Variants in CUL2 observed in about 807,000 individuals in gnomAD.
CUL2 encodes the protein cullin-2.
CUL2 carries 22 observed loss-of-function variants against 110.2 expected under a neutral mutation model. The observed-to-expected ratio is 0.20, with a 90% CI of 0.14 to 0.28. The LOEUF (loss-of-function observed/expected upper bound fraction) is 0.28, where lower values mean the gene tolerates loss of function less well. CUL2 is among the 10% of genes least tolerant of loss of function. The probability of loss-of-function intolerance (pLI) is 1.00; values close to 1 mark genes in which losing one functional copy is unlikely to be tolerated. For synonymous variants in CUL2, 279 were observed against 293.2 expected, an observed-to-expected ratio of 0.95 and a Z score of 0.49; for missense variants, 631 against 905.5, an observed-to-expected ratio of 0.70 and a Z score of 3.89.
chr10:35,055,389 T>C (rs1815834126), intron 4 of CUL2, among the ~76,000 whole-genome samples: 1 of 152,106 alleles, frequency 6.6e-6, no homozygotes, highest in African/African-American at 2.4e-5. Flanking sequence ...ACAGACAAAT[T>C]AAAAACGAAG....
Position 35,031,745 on chromosome 10 carries a change from C to T in CUL2, c.1171-126G>A, listed in dbSNP as rs370484015. 466 of 948,984 alleles carry T rather than the reference C, an allele frequency of 4.9e-4. 2 individuals carry two copies. In the Middle Eastern group the frequency reaches 6.8e-3, roughly 14 times the overall value. 58.8% of individuals were successfully genotyped at this position (948,984 alleles called of 1,614,324 possible). On this transcript the variant is annotated intron_variant, in intron 12 of 20. Transcript: ENST00000374749. This position sits in a 1 kb window ranked among gnomAD's most constrained non-coding sequence, Gnocchi z 4.4. ...AATTTTTGCTGTTTTTTTTAGAGACCGGGTCTTGCTCTGTTGCCAGGCTGG... is the reference window on the plus strand; with the variant it reads ...AATTTTTGCTGTTTTTTTTAGAGACTGGGTCTTGCTCTGTTGCCAGGCTGG...
chr10:35,056,935 CCTTT>C (rs1417289577), intron 4 of CUL2, among the ~76,000 whole-genome samples: 2 of 152,206 alleles, frequency 1.3e-5, no homozygotes, highest in Non-Finnish European at 2.9e-5. Context: ...CTCACTACTT[CCTTT>C]GACTTCCAAT....
chr10:35,037,561 C>T (rs1166224264), intron 9 of CUL2, among the ~76,000 whole-genome samples: 1 of 152,072 alleles, frequency 6.6e-6, no homozygotes, highest in East Asian at 1.9e-4. Flanking sequence ...GTAAAAAACA[C>T]GGGGCCAAGG....
At chr10:35,070,067 C>T (rs535001347) in intron 2 of CUL2, among the ~76,000 whole-genome samples, 1 of 152,272 alleles carries the variant, frequency 6.6e-6, no homozygotes, top group East Asian at 1.9e-4. Flanking sequence ...AATTACTACC[C>T]GTATGACCCT....
At chr10:35,119,564 A>AT (rs2087651752) in intron 1 of CUL2, among the ~76,000 whole-genome samples, 1 of 8,136 alleles carries the variant, frequency 1.2e-4, no homozygotes, top group African/African-American at 1.7e-4. Context: ...AATTAATTTT[A>AT]TTTATTTATT....
chr10:35,090,857 G>A (rs948392432), upstream of CUL2, among the ~76,000 whole-genome samples: 1 of 152,224 alleles, frequency 6.6e-6, no homozygotes. Context: ...ACAGAAGTAT[G>A]TTTTCCTTGT....
chr10:35,067,139 CAAA>C (rs71523356), intron 2 of CUL2, among the ~76,000 whole-genome samples: 6 of 76,834 alleles, frequency 7.8e-5, no homozygotes, highest in Admixed American at 1.5e-4. Context: ...AACTCCATCT[CAAA>C]AAAAAAAAAA....
rs762500449 is a variant in CUL2, at chr10:35,011,943, C to A, written c.2011G>T (p.Ala671Ser). ...TPQEMEQTRS[A>S]VDEDRKMYLQ... The stretch of plus-strand genomic sequence containing the variant: ...TACATTTTCCGGTCCTCATCAACTG[C>A]ACTTCTAGTCTGCTCCATTTCCTGT... The change falls in exon 20 of 21, where the codon GCA (alanine) becomes TCA (serine). Residue 671 changes from alanine to serine, a missense_variant. Transcript: ENST00000374749. 4 of 1,605,022 alleles carry A rather than the reference C, an allele frequency of 2.5e-6. No individual in the cohort carries two copies. The highest frequency in any genetic ancestry group is 3.4e-6 in the Non-Finnish European group (4 of 1,174,514).
chr10:35,013,907 C>G (rs2084964867), intron 18 of CUL2, 107 bp from the exon 19 acceptor site: 1 of 708,166 alleles, frequency 1.4e-6, no homozygotes, highest in African/African-American at 1.8e-5. Flanking sequence ...AAAGCCTCCA[C>G]TCTCATAACT....
intron 1 of CUL2, 71 bp from the exon 2 acceptor site, chr10:35,071,410 G>A: frequency 7.1e-7 from 1 of 1,401,022 alleles, no homozygotes. Flanking sequence ...GTTGTTTTTT[G>A]TTTGTTTGCT....
rs1371890463 is a variant in CUL2 at position 35,033,087 on chromosome 10, TA to T, written c.1110+78del. 13 of 730,566 alleles carry T rather than the reference TA, an allele frequency of 1.8e-5. No individual in the cohort carries two copies. In the African/African-American group the frequency reaches 2.4e-4, roughly 13 times the overall value. 45.3% of individuals were successfully genotyped at this position (730,566 alleles called of 1,614,324 possible). ...CATGTCTACATCAGAAACCTCATAC[TA>T]GAATTCTGATCTTGAAACTGCCTAA... On this transcript the variant is annotated intron_variant, in intron 11 of 20. Transcript: ENST00000374749.
intron 4 of CUL2, among the ~76,000 whole-genome samples, chr10:35,059,766 A>G (rs1218129069): frequency 6.6e-6 from 1 of 152,204 alleles, no homozygotes; most frequent in East Asian, 1.9e-4. Flanking sequence ...CTTTGGATTC[A>G]GACTGATCTG....
chr10:35,054,746 T>TA (rs2086200830), intron 4 of CUL2, among the ~76,000 whole-genome samples: 1 of 152,186 alleles, frequency 6.6e-6, no homozygotes, highest in Non-Finnish European at 1.5e-5. Context: ...GCCCTTACAA[T>TA]ACCCTTCTAG....
intron 1 of CUL2, among the ~76,000 whole-genome samples, chr10:35,119,596 A>ATTTC (rs1166387364): frequency 6.7e-6 from 1 of 149,740 alleles, no homozygotes; most frequent in African/African-American, 2.5e-5. Flanking sequence ...TTATTTATTT[A>ATTTC]TTTATTTATT....
intron 9 of CUL2, among the ~76,000 whole-genome samples, chr10:35,035,807 A>G (rs1447935544): frequency 6.6e-6 from 1 of 152,240 alleles, no homozygotes; most frequent in African/African-American, 2.4e-5. Context: ...TTACTGTGTC[A>G]AAGTTTAATC....
chr10:35,078,295 ATTTTT>A (rs201741916), intron 1 of CUL2, among the ~76,000 whole-genome samples: 1 of 142,220 alleles, frequency 7.0e-6, no homozygotes, highest in Non-Finnish European at 1.6e-5. Flanking sequence ...GATCAGGTGA[ATTTTT>A]TTTTTTTTTT....
chr10:35,094,888 C>A (rs959065712), upstream of CUL2, among the ~76,000 whole-genome samples: 2 of 152,130 alleles, frequency 1.3e-5, no homozygotes, highest in African/African-American at 4.8e-5. Context: ...GTCCTTACTC[C>A]CCAAACAAAC....
At chr10:35,083,221 T>C (rs2086984238) in intron 1 of CUL2, among the ~76,000 whole-genome samples, 1 of 146,012 alleles carries the variant, frequency 6.8e-6, no homozygotes, top group African/African-American at 2.5e-5. Context: ...CGTCAGAAAA[T>C]AGCAGTTATA....
chr10:35,089,724 A>AC (rs1254543722), intron 1 of CUL2, among the ~76,000 whole-genome samples: 1 of 152,208 alleles, frequency 6.6e-6, no homozygotes, highest in African/African-American at 2.4e-5. Flanking sequence ...TCTAGCATGC[A>AC]CGTAGGATAC....
Sources: gnomAD v4.1 joint callset for allele counts (sites outside exome capture counted in the v4.1 genomes callset) on GRCh38, gnomAD v4.1.1 for gene constraint, Gnocchi (gnomAD v3.1) non-coding constraint, MANE v1.5 for transcripts, NCBI Gene and HGNC (gene_info 2026-07-23, HGNC 2026-07-21) for gene names.